The following CABLES1 variants were observed in gnomAD, a reference collection of about 807,000 sequenced individuals.
CABLES1 encodes CDK5 and ABL1 enzyme substrate 1.
A neutral mutation model predicts 57.8 loss-of-function variants in CABLES1; 36 were observed. The ratio of observed to expected loss-of-function variants is 0.62; its 90% confidence interval spans 0.48 to 0.82. The LOEUF is 0.82. CABLES1 is among the 40% of genes least tolerant of loss of function. CABLES1 has a pLI of 0.00. For missense variants in CABLES1, 767 were observed against 836.6 expected (o/e 0.92, Z 1.03); for synonymous variants, 374 against 363.0 (o/e 1.03, Z -0.35).
At chr18:23,162,373 C>T (rs1264586928) in intron 1 of CABLES1, among the ~76,000 whole-genome samples, 2 of 152,170 alleles carry the variant, frequency 1.3e-5, no homozygotes, top group African/African-American at 2.4e-5. Flanking sequence ...TGCTTGATGT[C>T]CTGATATCCT....
intron 4 of CABLES1, among the ~76,000 whole-genome samples, chr18:23,218,570 G>A (rs1214311093): frequency 1.4e-5 from 1 of 71,734 alleles, no homozygotes; most frequent in African/African-American, 7.3e-5. Flanking sequence ...CCTGCCTCCC[G>A]CATCCTCACT....
chr18:23,234,689 G>A lies in CABLES1; in HGVS notation c.1170G>A (p.Leu390=), dbSNP rs1432491292. ...KEIIGLEGVE[L]GADGKTVSYT... is the part of the protein sequence containing the mutation. ...TCATTGGTCTGGAAGGTGTGGAGCT[G>A]GGTGCTGATGGGAAGGTAAGGCTGC... The change falls in exon 5 of 10, where the codon CTG becomes CTA. Residue 390 remains leucine (L), a synonymous_variant. Transcript: ENST00000256925. The A allele has an allele frequency of 6.2e-7, 1 of 1,613,224 alleles. No homozygotes were observed. Among genetic ancestry groups the A allele is most frequent in the Admixed American group, 1.7e-5 (1 of 59,978 alleles).
chr18:23,176,719 C>G (rs2047125639), intron 1 of CABLES1, among the ~76,000 whole-genome samples: 4 of 152,126 alleles, frequency 2.6e-5, no homozygotes, highest in African/African-American at 9.7e-5. Context: ...CACAGTTAAC[C>G]TGAAAAACTC....
chr18:23,194,363 GTCCT>G, intron 2 of CABLES1, 81 bp from the exon 3 acceptor site: 1 of 820,192 alleles, frequency 1.2e-6, no homozygotes, highest in Non-Finnish European at 2.1e-6. Context: ...CATTTGTCTG[GTCCT>G]TCCTTCCTGT....
rs2046823994 is a variant in CABLES1, at chr18:23,136,602, G to C, written c.840G>C (p.Arg280Ser). The C allele has an allele frequency of 7.0e-7, 1 of 1,434,904 alleles. No individual in the cohort carries two copies. The highest frequency in any genetic ancestry group is 1.5e-5 in the South Asian group (1 of 68,040). 88.9% of individuals were successfully genotyped at this position (1,434,904 alleles called of 1,614,324 possible). ...GSTSAFEQLQ[R>S]SRRRLISQRS... ...CCAGCGCCTTCGAGCAGCTGCAGAG[G>C]TCCCGGTGAGTATCCGGGATGCGAC... Residue 280 changes from arginine (R) to serine (S), a missense_variant, in exon 1 of 10, where the codon AGG becomes AGC. This residue lies in a region of CABLES1 where 529 missense variants were observed against 622.8 expected (regional missense o/e 0.85). Transcript: ENST00000256925.
At chr18:23,158,790 A>G (rs535983048) in intron 1 of CABLES1, among the ~76,000 whole-genome samples, 1 of 152,330 alleles carries the variant, frequency 6.6e-6, no homozygotes, top group Admixed American at 6.5e-5. Context: ...AATGAGATGT[A>G]AAGAGATGCC....
chr18:23,184,189 G>A (rs1285316523), intron 1 of CABLES1, among the ~76,000 whole-genome samples: 1 of 152,168 alleles, frequency 6.6e-6, no homozygotes, highest in Non-Finnish European at 1.5e-5. Flanking sequence ...ACAAAGAAGG[G>A]AAGTACATCT....
At chr18:23,152,795 AT>A in intron 1 of CABLES1, among the ~76,000 whole-genome samples, 1 of 148,906 alleles carries the variant, frequency 6.7e-6, no homozygotes, top group African/African-American at 2.5e-5. Context: ...TTGGTCTAAA[AT>A]TTTTTTATTT....
intron 1 of CABLES1, among the ~76,000 whole-genome samples, chr18:23,175,744 G>T (rs1306460185): frequency 6.6e-6 from 1 of 152,162 alleles, no homozygotes; most frequent in Non-Finnish European, 1.5e-5. Flanking sequence ...CACTGCTACT[G>T]GTCCCCTGGA....
chr18:23,245,632 C>T (rs901649304), intron 7 of CABLES1, among the ~76,000 whole-genome samples: 2 of 152,226 alleles, frequency 1.3e-5, no homozygotes, highest in Non-Finnish European at 2.9e-5. Flanking sequence ...TCTACTCCCA[C>T]TCTAGCCCTT....
intron 9 of CABLES1, among the ~76,000 whole-genome samples, chr18:23,256,777 C>A (rs922890136): frequency 6.6e-6 from 1 of 152,130 alleles, no homozygotes; most frequent in East Asian, 1.9e-4. Context: ...GAGCCACCAC[C>A]GGTTTGCTTT....
chr18:23,182,781 C>T (rs1382514920), intron 1 of CABLES1, among the ~76,000 whole-genome samples: 1 of 152,226 alleles, frequency 6.6e-6, no homozygotes, highest in Non-Finnish European at 1.5e-5. Context: ...AGCTGCTGCC[C>T]CAGGTGACTG....
chr18:23,252,096 A>AC (rs1223776101), intron 7 of CABLES1, among the ~76,000 whole-genome samples: 8 of 152,270 alleles, frequency 5.3e-5, no homozygotes, highest in African/African-American at 1.7e-4. Flanking sequence ...AAAAAAAAAA[A>AC]AAAAGACTCC....
upstream of CABLES1, among the ~76,000 whole-genome samples, chr18:23,135,040 G>A (rs113051772): frequency 3.9e-5 from 6 of 152,212 alleles, no homozygotes; most frequent in African/African-American, 1.2e-4. Context: ...CAAGTAACTC[G>A]CTCGCAGTCC....
intron 4 of CABLES1, among the ~76,000 whole-genome samples, chr18:23,227,898 C>T (rs2047539595): frequency 6.6e-6 from 1 of 152,160 alleles, no homozygotes; most frequent in Non-Finnish European, 1.5e-5. Flanking sequence ...TCAAAGTGTT[C>T]AACCTATTGT....
intron 1 of CABLES1, among the ~76,000 whole-genome samples, chr18:23,140,996 G>A (rs1292150050): frequency 2.0e-5 from 3 of 152,216 alleles, no homozygotes; most frequent in Non-Finnish European, 4.4e-5. Flanking sequence ...GTGGGCTTGT[G>A]CTAAATGCTT....
chr18:23,172,846 G>A (rs745839718), intron 1 of CABLES1, among the ~76,000 whole-genome samples: 4 of 152,164 alleles, frequency 2.6e-5, no homozygotes, highest in African/African-American at 7.2e-5. Context: ...ATTTCCAAGC[G>A]AGCTGTTAAA....
intron 4 of CABLES1, among the ~76,000 whole-genome samples, chr18:23,223,307 C>T (rs944285999): frequency 2.6e-5 from 4 of 152,014 alleles, no homozygotes; most frequent in Admixed American, 6.6e-5. Flanking sequence ...TGGTTGGGTG[C>T]GGTGGCTCAC....
chr18:23,213,573 C>A (rs1025815633), intron 3 of CABLES1, among the ~76,000 whole-genome samples: 2 of 152,210 alleles, frequency 1.3e-5, no homozygotes, highest in African/African-American at 4.8e-5. Flanking sequence ...GTTTCTGGTG[C>A]TATTGCTCTC....
Sources: gnomAD v4.1 joint callset for allele counts (sites outside exome capture counted in the v4.1 genomes callset) on GRCh38, gnomAD v4.1.1 for gene constraint, gnomAD v4.1.1 regional missense constraint, MANE v1.5 for transcripts, NCBI Gene and HGNC (gene_info 2026-07-23, HGNC 2026-07-21) for gene names.